ZNF621: variants seen among roughly 807,000 people sequenced by gnomAD.
ZNF621 encodes zinc finger protein 621.
ZNF621 carries 6 observed loss-of-function variants against 12.7 expected under a neutral mutation model. That is an observed-to-expected ratio of 0.47 (90% confidence interval 0.26 to 0.93). The LOEUF (loss-of-function observed/expected upper bound fraction) is 0.93, where lower values mean the gene tolerates loss of function less well. Ranked by LOEUF, ZNF621 falls within the 40% of genes least tolerant of loss-of-function variation. The pLI is 0.15. For missense variants in ZNF621, 474 were observed against 524.0 expected (o/e 0.90, Z 0.93); for synonymous variants, 156 against 190.3 (o/e 0.82, Z 1.48).
At position 40,525,793 on chromosome 3, in the gene ZNF621, G is replaced by T; in HGVS notation, c.-48G>T. On this transcript the variant is annotated 5_prime_UTR_variant, in exon 2 of 5. Transcript: ENST00000339296. ...TTTTCTCTTAGCTCTTGAGGATCTT[G>T]CTTGTCCAAACCCAGAAGACAGTGC... is the stretch of plus-strand genomic sequence containing the variant. The T allele has an allele frequency of 6.2e-7, 1 of 1,614,172 alleles. No individual in the cohort carries two copies. Among genetic ancestry groups the T allele is most frequent in the Non-Finnish European group, 8.5e-7 (1 of 1,180,026 alleles).
chr3:40,524,918 CGGCCTCCGGG>C (rs2125670094), upstream of ZNF621: 1 of 152,396 alleles, frequency 6.6e-6, no homozygotes, highest in East Asian at 1.9e-4. Context: ...ACCGAGATGG[CGGCCTCCGGG>C]GGCCTAGAGG....
intron 2 of ZNF621, among the ~76,000 whole-genome samples, chr3:40,528,282 T>C (rs1357939870): frequency 6.6e-6 from 1 of 152,244 alleles, no homozygotes; most frequent in African/African-American, 2.4e-5. Flanking sequence ...TTTCATTTAG[T>C]GGTAATGCAT....
intron 2 of ZNF621, among the ~76,000 whole-genome samples, chr3:40,526,328 G>C (rs916664886): frequency 6.6e-6 from 1 of 152,094 alleles, no homozygotes; most frequent in South Asian, 2.1e-4. Context: ...GCGCCGCCAC[G>C]TGTGGCTAAT....
rs1575305617 is a variant in ZNF621, at chr3:40,529,397, C to G, written c.103C>G (p.Leu35Val). 3 of 1,613,912 alleles carry G rather than the reference C, an allele frequency of 1.9e-6. No individual in the cohort carries two copies. Among genetic ancestry groups the G allele is most frequent in the East Asian group, 4.5e-5 (2 of 44,858 alleles). ...CAGCCTCGACCCTGCGCAGAGGGCC[C>G]TGTACGGGGAGGTGATGCTGGAGAA... ...WASLDPAQRA[L>V]YGEVMLENYA... Residue 35 changes from leucine to valine, a missense_variant, in exon 3 of 5, where the codon CTG becomes GTG. Coordinates refer to ENST00000339296, the MANE Select transcript of ZNF621 (RefSeq NM_198484.5).
Position 40,539,575 on chromosome 3 carries a change from T to G in ZNF621, c.*6485T>G, listed in dbSNP as rs1698953790. The stretch of plus-strand genomic sequence containing the variant: ...CCCTTTATTGTGTTAAACATTTTAT[T>G]ACAGTTGTCTGGAAGCAAACCTGCA... On this transcript the variant is annotated 3_prime_UTR_variant, in exon 5 of 5. Transcript: ENST00000339296. 1 of 152,252 alleles carries G rather than the reference T, an allele frequency of 6.6e-6. No homozygotes were observed. The highest frequency in any genetic ancestry group is 6.5e-5 in the Admixed American group (1 of 15,282). The allele number at this position is 152,252 out of a possible 1,614,324, so 9.4% of individuals were successfully genotyped here.
At chr3:40,531,964 AG>A in intron 4 of ZNF621, 65 bp from the exon 5 acceptor site, 1 of 1,430,416 alleles carries the variant, frequency 7.0e-7, no homozygotes, top group Admixed American at 2.2e-5. Context: ...AGAGAAAATT[AG>A]GAACACTGGA....
chr3:40,524,434 T>G (rs1441236105), upstream of ZNF621, among the ~76,000 whole-genome samples: 1 of 152,102 alleles, frequency 6.6e-6, no homozygotes, highest in Non-Finnish European at 1.5e-5. Flanking sequence ...GGTGTTTTGG[T>G]TGTTAAATGA....
Position 40,529,444 on chromosome 3 carries a change from G to A in ZNF621, c.150G>A (p.Leu50=), listed in dbSNP as rs1404695835. Residue 50 remains leucine, a splice_region_variant and synonymous_variant, in exon 3 of 5, where the codon CTG becomes CTA. Transcript: ENST00000339296. ...MLENYANVAS[L]VAFPFPKPAL... ...AGAATTATGCAAATGTGGCTTCTCT[G>A]GGTAAGGCCTCCCTCTGTGGCCCTT... The A allele has an allele frequency of 6.2e-7, 1 of 1,612,852 alleles. No individual in the cohort carries two copies. Among genetic ancestry groups the A allele is most frequent in the Non-Finnish European group, 8.5e-7 (1 of 1,179,210 alleles).
upstream of ZNF621, among the ~76,000 whole-genome samples, chr3:40,523,718 A>G (rs1698510295): frequency 1.3e-5 from 2 of 151,822 alleles, no homozygotes; most frequent in South Asian, 4.2e-4. Flanking sequence ...GTGAGCCGAG[A>G]TTGCGCCATT....
chr3:40,529,412 A>G lies in ZNF621; in HGVS notation c.118A>G (p.Met40Val), dbSNP rs763201182. 3 of 1,613,582 alleles carry G rather than the reference A, an allele frequency of 1.9e-6. No homozygotes were observed. In the South Asian group the frequency reaches 3.3e-5, roughly 18 times the overall value. ...GCAGAGGGCCCTGTACGGGGAGGTG[A>G]TGCTGGAGAATTATGCAAATGTGGC... ...PAQRALYGEV[M>V]LENYANVASL... The change falls in exon 3 of 5, where the codon ATG becomes GTG. Residue 40 changes from methionine to valine, a missense_variant. Physicochemically the swap from Met to Val is conservative, Grantham distance 21. Transcript: ENST00000339296.
At chr3:40,527,424 C>T (rs1390202462) in intron 2 of ZNF621, among the ~76,000 whole-genome samples, 7 of 152,018 alleles carry the variant, frequency 4.6e-5, no homozygotes, top group Admixed American at 1.3e-4. Flanking sequence ...CTCCACCTCC[C>T]GGATTCAAGC....
rs1405117953 is a variant in ZNF621, at chr3:40,525,255, C to T, written c.-82C>T. On this transcript the variant is annotated 5_prime_UTR_variant, in exon 1 of 5. Coordinates refer to ENST00000339296, the MANE Select transcript of ZNF621 (RefSeq NM_198484.5). ...TCTTTTCTGCCCTAAAGAACTTGCCCTGACAGCCTCTGGCTCCCGGTACTG... is the reference window on the plus strand; with the variant it reads ...TCTTTTCTGCCCTAAAGAACTTGCCTTGACAGCCTCTGGCTCCCGGTACTG... 3 of 155,044 alleles carry T rather than the reference C, an allele frequency of 1.9e-5. No homozygotes were observed. Among genetic ancestry groups the T allele is most frequent in the African/African-American group, 7.2e-5 (3 of 41,494 alleles). The allele number at this position is 155,044 out of a possible 1,614,324, so 9.6% of individuals were successfully genotyped here.
chr3:40,538,086 A>G lies in ZNF621; in HGVS notation c.*4996A>G, dbSNP rs1357507057. On this transcript the variant is annotated 3_prime_UTR_variant, in exon 5 of 5. Coordinates refer to ENST00000339296, the MANE Select transcript of ZNF621 (RefSeq NM_198484.5). ...TACCATTCAGAAAATCCTAGGGCCC[A>G]TAAGAATTATGCTAAATCCACTCTG... 1.3e-5 allele frequency among the ~76,000 whole-genome samples: 2 copies of G among 152,246 alleles called. No homozygotes were observed. Among genetic ancestry groups the G allele is most frequent in the Non-Finnish European group, 2.9e-5 (2 of 68,040 alleles).
In ZNF621 at chr3:40,532,429, C is replaced by A; in HGVS notation, c.659C>A (p.Thr220Lys). The A allele has an allele frequency of 6.2e-7, 1 of 1,613,604 alleles. No individual in the cohort carries two copies. The highest frequency in any genetic ancestry group is 8.5e-7 in the Non-Finnish European group (1 of 1,179,952). Residue 220 changes from threonine (T) to lysine (K), a missense_variant, in exon 5 of 5, where the codon ACA becomes AAA. Physicochemically the swap from Thr to Lys is moderately conservative, Grantham distance 78 (BLOSUM62 -1). Coordinates refer to ENST00000339296, the MANE Select transcript of ZNF621 (RefSeq NM_198484.5). ...TGTGGCAAAGGTTTGAGTTCCAACA[C>A]AGCCTTGACTCAACATCAGAGGATC... The part of the protein sequence containing the change: ...KECGKGLSSN[T>K]ALTQHQRIHT...
chr3:40,529,162 G>T (rs988870848), intron 2 of ZNF621, 157 bp from the exon 3 acceptor site: 2 of 786,700 alleles, frequency 2.5e-6, no homozygotes, highest in Non-Finnish European at 4.0e-6. Flanking sequence ...CTGAGGGCTC[G>T]CCCCTGGCTG....
At position 40,525,877 on chromosome 3, in the gene ZNF621, T is replaced by G. The variant is rs751557108; in HGVS notation, c.24+13T>G. On this transcript the variant is annotated intron_variant, in intron 2 of 4. Transcript: ENST00000339296. ...AACTTGGCCTCAGGTGAGCTGAGCT[T>G]CTTTCAGTTTTTTTGTTTGTTTGTT... 1.2e-5 allele frequency: 19 copies of G among 1,612,142 alleles called. No individual in the cohort carries two copies. The South Asian group carries it at 1.8e-4, about 15-fold the overall frequency.
At position 40,533,549 on chromosome 3, in the gene ZNF621, T is replaced by TA. The variant is rs1448241445; in HGVS notation, c.*460dup. The TA allele has an allele frequency of 6.2e-6, 1 of 162,552 alleles. No homozygotes were observed. The highest frequency in any genetic ancestry group is 2.4e-5 in the African/African-American group (1 of 41,582). 10.1% of individuals were successfully genotyped at this position (162,552 alleles called of 1,614,324 possible). ...TCTATATACATTTAAAGACCGTGTTTACATAATCTCTTCTGGGTAGAAAAT... is the reference window on the plus strand; with the variant it reads ...TCTATATACATTTAAAGACCGTGTTTAACATAATCTCTTCTGGGTAGAAAAT... On this transcript the variant is annotated 3_prime_UTR_variant, in exon 5 of 5. Transcript: ENST00000339296.
Position 40,529,368 on chromosome 3 carries a change from G to A in ZNF621, c.74G>A (p.Trp25Ter). The A allele has an allele frequency of 6.2e-7, 1 of 1,613,940 alleles. No individual in the cohort carries two copies. Among genetic ancestry groups the A allele is most frequent in the South Asian group, 1.1e-5 (1 of 91,082 alleles). ...GCTGTTTACTTCACCCAGAATCAAT[G>A]GGCCAGCCTCGACCCTGCGCAGAGG... Reference protein sequence around the residue: ...DVAVYFTQNQWASLDPAQRAL... With the variant: ...DVAVYFTQNQ Residue 25 changes from tryptophan (W) to a stop codon, truncating the protein, a stop_gained, in exon 3 of 5, where the codon TGG (tryptophan) becomes TAG (stop). Coordinates refer to ENST00000339296, the MANE Select transcript of ZNF621 (RefSeq NM_198484.5). LOFTEE classifies it high-confidence loss of function.
rs191017663 is a variant in ZNF621, at chr3:40,526,024, G to A, written c.24+160G>A. Among the ~76,000 whole-genome samples the A allele has an allele frequency of 3.3e-5, 5 of 152,248 alleles. No homozygotes were observed. In the East Asian group the frequency reaches 5.8e-4, roughly 18 times the overall value. Reference sequence around the variant, plus strand: ...AGGGCTATGGCAGATGTAAATATGTGCTGGGGAAATGAAAGTTTTGTGTAT... The same window carrying A: ...AGGGCTATGGCAGATGTAAATATGTACTGGGGAAATGAAAGTTTTGTGTAT... On this transcript the variant is annotated intron_variant, in intron 2 of 4. Transcript: ENST00000339296.
Sources: allele counts gnomAD v4.1 joint callset (sites outside exome capture counted in the v4.1 genomes callset), GRCh38; gene constraint gnomAD v4.1.1; transcripts MANE v1.5; gene names NCBI Gene and HGNC (gene_info 2026-07-23, HGNC 2026-07-21).